The following DSCAML1 variants were observed in gnomAD, a reference collection of about 807,000 sequenced individuals.
DSCAML1 encodes DS cell adhesion molecule like 1, also known as cell adhesion molecule DSCAML1.
Under a neutral mutation model 200.5 loss-of-function variants are expected in DSCAML1, and 38 were observed. The ratio of observed to expected loss-of-function variants is 0.19; its 90% CI spans 0.15 to 0.25. The LOEUF (loss-of-function observed/expected upper bound fraction) is 0.25. Ranked by LOEUF, DSCAML1 falls within the 10% of genes least tolerant of loss-of-function variation. DSCAML1 has a pLI of 1.00. For synonymous variants in DSCAML1, 1,215 were observed against 1,165.0 expected (o/e 1.04, Z -0.87); for missense variants, 2,223 against 2,858.8 (o/e 0.78, Z 5.07).
In DSCAML1 at chr11:117,469,845, C is replaced by T. The variant is rs1350806185; in HGVS notation, c.3024+65G>A. ...GACTAGCAAGCCTGCTGGGAGCTTT[C>T]GTCCTGGATTGAGGAGAGAGGAGGC... On this transcript the variant is annotated intron_variant, in intron 16 of 32. Transcript: ENST00000651296. This position sits in a 1 kb window ranked among gnomAD's most constrained non-coding sequence, Gnocchi z 4.1. 21 of 1,436,700 alleles carry T rather than the reference C, an allele frequency of 1.5e-5. No homozygotes were observed. The highest frequency in any genetic ancestry group is 1.2e-4 in the East Asian group (5 of 41,424). The allele number at this position is 1,436,700 out of a possible 1,614,324, so 89.0% of individuals were successfully genotyped here.
intron 3 of DSCAML1, among the ~76,000 whole-genome samples, chr11:117,759,156 G>A (rs373114152): frequency 2.0e-5 from 3 of 152,108 alleles, no homozygotes; most frequent in African/African-American, 4.8e-5. Context: ...CCGGGTCCCC[G>A]GTCCCATCAA....
intron 3 of DSCAML1, among the ~76,000 whole-genome samples, chr11:117,709,944 C>T (rs898466887): frequency 6.6e-6 from 1 of 152,160 alleles, no homozygotes; most frequent in African/African-American, 2.4e-5. Context: ...TCCTTGGAGA[C>T]ACACACACAA....
chr11:117,460,975 T>C (rs971257685), intron 18 of DSCAML1, among the ~76,000 whole-genome samples: 2 of 152,064 alleles, frequency 1.3e-5, no homozygotes, highest in Admixed American at 6.5e-5. Flanking sequence ...CCCTCCTCAG[T>C]CCCTTCATTA....
chr11:117,555,294 C>T (rs919886334), intron 3 of DSCAML1, among the ~76,000 whole-genome samples: 1 of 152,326 alleles, frequency 6.6e-6, no homozygotes, highest in African/African-American at 2.4e-5. Context: ...CAGATCTGGA[C>T]CCCTGGTGCC....
chr11:117,441,211 C>T (rs2048039409), intron 21 of DSCAML1, among the ~76,000 whole-genome samples: 1 of 152,156 alleles, frequency 6.6e-6, no homozygotes, highest in Non-Finnish European at 1.5e-5. Flanking sequence ...ATGGCACCCT[C>T]ATGGGAACAG....
chr11:117,599,785 A>G (rs2051431404), intron 3 of DSCAML1, among the ~76,000 whole-genome samples: 1 of 152,226 alleles, frequency 6.6e-6, no homozygotes, highest in East Asian at 1.9e-4. Context: ...ACAGAGATGT[A>G]TAAACACCAC....
chr11:117,502,283 C>G (rs1483101369), intron 11 of DSCAML1, among the ~76,000 whole-genome samples: 1 of 152,204 alleles, frequency 6.6e-6, no homozygotes, highest in Admixed American at 6.5e-5. Flanking sequence ...CTACTTGCCA[C>G]AGAGCCGGCA....
chr11:117,688,084 G>A (rs1484080571), intron 3 of DSCAML1, among the ~76,000 whole-genome samples: 5 of 152,256 alleles, frequency 3.3e-5, no homozygotes, highest in Non-Finnish European at 5.9e-5. Context: ...GATGGGTGAG[G>A]AGAGAATGCC....
chr11:117,611,898 C>T (rs76488753), intron 3 of DSCAML1: 2 of 152,312 alleles, frequency 1.3e-5, no homozygotes, highest in East Asian at 3.9e-4. Context: ...TAACCTTGTT[C>T]ACTGTCCCAT....
At position 117,432,918 on chromosome 11, in the gene DSCAML1, A is replaced by G. The variant is rs572169204; in HGVS notation, c.5026+220T>C. 4.1e-4 allele frequency among the ~76,000 whole-genome samples: 62 copies of G among 152,210 alleles called. 1 individual carries two copies. The highest frequency in any genetic ancestry group is 1.5e-3 in the African/African-American group (61 of 41,548). On this transcript the variant is annotated intron_variant, in intron 29 of 32. Transcript: ENST00000651296. ...GACCCACCAACCCAGACTTTATCCA[A>G]TGTTGAGTCACAGAAAGGCCAGCAA...
intron 1 of DSCAML1, among the ~76,000 whole-genome samples, chr11:117,791,433 C>A (rs2055465260): frequency 6.6e-6 from 1 of 152,234 alleles, no homozygotes; most frequent in Non-Finnish European, 1.5e-5. Flanking sequence ...GCATGAACTC[C>A]AGAATAGTTC....
chr11:117,578,235 C>CG (rs1555186536), intron 3 of DSCAML1, among the ~76,000 whole-genome samples: 125 of 18,316 alleles, frequency 6.8e-3, no homozygotes, highest in African/African-American at 0.028. Context: ...AACTCTGTCT[C>CG]GAAAAAAAAA....
intron 14 of DSCAML1, among the ~76,000 whole-genome samples, chr11:117,475,708 A>ACT (rs2048777311): frequency 6.6e-6 from 1 of 151,908 alleles, no homozygotes; most frequent in African/African-American, 2.4e-5. Flanking sequence ...GCCACAGTGT[A>ACT]CTCTTTGCCA....
At chr11:117,689,445 T>C (rs1307135935) in intron 3 of DSCAML1, among the ~76,000 whole-genome samples, 1 of 152,138 alleles carries the variant, frequency 6.6e-6, no homozygotes, top group South Asian at 2.1e-4. Flanking sequence ...TGTGAAAGGA[T>C]AGTAATACAT....
chr11:117,809,052 G>A (rs1471119545), intron 1 of DSCAML1, among the ~76,000 whole-genome samples: 3 of 152,164 alleles, frequency 2.0e-5, no homozygotes, highest in Non-Finnish European at 2.9e-5. Context: ...TCACTGCCCC[G>A]CCCCTGCTTC....
intron 1 of DSCAML1, among the ~76,000 whole-genome samples, chr11:117,806,666 TTAAC>T (rs961347557): frequency 1.3e-5 from 2 of 152,196 alleles, no homozygotes; most frequent in Non-Finnish European, 2.9e-5. Flanking sequence ...CATAGAGAAA[TTAAC>T]TAAGTTGTCC....
chr11:117,497,679 C>T (rs1199905311), intron 11 of DSCAML1, among the ~76,000 whole-genome samples: 1 of 152,252 alleles, frequency 6.6e-6, no homozygotes, highest in Non-Finnish European at 1.5e-5. Context: ...CCCCAGGTTT[C>T]CAGAGGGGAC....
chr11:117,549,462 T>C lies in DSCAML1; in HGVS notation c.512-16940A>G, dbSNP rs564751337. 9.2e-5 allele frequency among the ~76,000 whole-genome samples: 14 copies of C among 152,346 alleles called. 1 individual carries two copies. In the East Asian group the frequency reaches 2.7e-3, roughly 29 times the overall value. ...GCAAGTACGTGGCTCTGAAGTCAGA[T>C]AGACTTCCGTTCTATCAGTGTGACC... On this transcript the variant is annotated intron_variant, in intron 3 of 32. Transcript: ENST00000651296.
chr11:117,708,244 G>C (rs1049390034), intron 3 of DSCAML1, among the ~76,000 whole-genome samples: 2 of 152,162 alleles, frequency 1.3e-5, no homozygotes. Flanking sequence ...CTACAGCTCT[G>C]TCACAGCATC....
Sources: gnomAD v4.1 joint callset for allele counts (sites outside exome capture counted in the v4.1 genomes callset) on GRCh38, gnomAD v4.1.1 for gene constraint, Gnocchi (gnomAD v3.1) non-coding constraint, MANE v1.5 for transcripts, NCBI Gene and HGNC (gene_info 2026-07-23, HGNC 2026-07-21) for gene names.